Variants in NLE1 observed in about 807,000 individuals in gnomAD.
NLE1 encodes the protein notchless protein homolog 1.
Under a neutral mutation model 62.8 loss-of-function variants are expected in NLE1, and 37 were observed. The ratio of observed to expected loss-of-function variants is 0.59; its 90% CI spans 0.45 to 0.78. The LOEUF (loss-of-function observed/expected upper bound fraction) is 0.78. NLE1 is among the 30% of genes least tolerant of loss of function. NLE1 has a pLI of 0.00. For missense variants in NLE1, 555 were observed against 637.9 expected, an observed-to-expected ratio of 0.87 and a Z score of 1.40; for synonymous variants, 243 against 253.0, an observed-to-expected ratio of 0.96 and a Z score of 0.37.
chr17:35,136,378 T>C lies in NLE1; in HGVS notation c.948A>G (p.Gln316=), dbSNP rs754825891. ...FEPAEASVNP[Q]DLQGSLQELK... The stretch of plus-strand genomic sequence containing the variant: ...ATCACTCACAGGATCCTTGGAGGTC[T>C]TGGGGATTAACTGAGGCCTCAGCAG... The change falls in exon 8 of 13, where the codon CAA becomes CAG. Residue 316 remains glutamine, a synonymous_variant. Coordinates refer to ENST00000442241, the MANE Select transcript of NLE1 (RefSeq NM_018096.5). 6.2e-7 allele frequency: 1 copy of C among 1,613,626 alleles called. No homozygotes were observed. Among genetic ancestry groups the C allele is most frequent in the Admixed American group, 1.7e-5 (1 of 60,008 alleles).
Position 35,129,912 on chromosome 17 carries a change from T to C in NLE1, c.*2525A>G, listed in dbSNP as rs1320877843. 2 of 1,390,392 alleles carry C rather than the reference T, an allele frequency of 1.4e-6. No individual in the cohort carries two copies. The highest frequency in any genetic ancestry group is 9.3e-7 in the Non-Finnish European group (1 of 1,072,678). 86.1% of individuals were successfully genotyped at this position (1,390,392 alleles called of 1,614,324 possible). On this transcript the variant is annotated 3_prime_UTR_variant, in exon 13 of 13. Coordinates refer to ENST00000442241, the MANE Select transcript of NLE1 (RefSeq NM_018096.5). ...CTATAATGTTCCCCTTCCAAAGCCA[T>C]TGGTTTTTAGACTCTGCAATTCAGT...
At chr17:35,134,818 G>A (rs1567744475) in intron 10 of NLE1, 8 of 350,534 alleles carry the variant, frequency 2.3e-5, no homozygotes, top group South Asian at 8.6e-5. Flanking sequence ...TTGGGAGGCC[G>A]AGGCAGTTGG....
chr17:35,137,712 C>A, intron 5 of NLE1, 72 bp from the exon 6 acceptor site: 1 of 1,262,428 alleles, frequency 7.9e-7, no homozygotes, highest in East Asian at 2.3e-5. Context: ...CTGCCTACCA[C>A]TTCCCACCCA....
At position 35,133,462 on chromosome 17, in the gene NLE1, C is replaced by A. The variant is rs1567743960; in HGVS notation, c.1251G>T (p.Val417=). 6.2e-7 allele frequency: 1 copy of A among 1,613,778 alleles called. No individual in the cohort carries two copies. ...LASLRGHVAA[V]YQIAWSADSR... ...TGTCAGCTGACCACGCAATCTGGTACACGGCAGCCACGTGGCCGCGTAGGG... is the reference window on the plus strand; with the variant it reads ...TGTCAGCTGACCACGCAATCTGGTAAACGGCAGCCACGTGGCCGCGTAGGG... Residue 417 remains valine, a synonymous_variant, in exon 11 of 13, where the codon GTG becomes GTT. Transcript: ENST00000442241.
chr17:35,134,480 A>G (rs2091896961), intron 10 of NLE1, among the ~76,000 whole-genome samples: 1 of 151,954 alleles, frequency 6.6e-6, no homozygotes, highest in Non-Finnish European at 1.5e-5. Flanking sequence ...ACTCACTGCA[A>G]CCTTTGCCTC....
In NLE1 at chr17:35,129,340, G is replaced by C; in HGVS notation, c.*3097C>G. On this transcript the variant is annotated 3_prime_UTR_variant, in exon 13 of 13. Coordinates refer to ENST00000442241, the MANE Select transcript of NLE1 (RefSeq NM_018096.5). ...CAGGAGCAGGGGATGGGCATGGGACGTCCTGACCCCAGTTGGGAGGGTGAA... is the reference window on the plus strand; with the variant it reads ...CAGGAGCAGGGGATGGGCATGGGACCTCCTGACCCCAGTTGGGAGGGTGAA... 3 of 1,546,066 alleles carry C rather than the reference G, an allele frequency of 1.9e-6. No homozygotes were observed. Among genetic ancestry groups the C allele is most frequent in the Non-Finnish European group, 1.8e-6 (2 of 1,138,598 alleles).
intron 7 of NLE1, 91 bp from the exon 8 acceptor site, chr17:35,136,588 C>G: frequency 6.9e-7 from 1 of 1,451,664 alleles, no homozygotes; most frequent in Non-Finnish European, 9.4e-7. Context: ...GACTAATAAT[C>G]ATCATCACTC....
In NLE1 at chr17:35,129,641, T is replaced by G; in HGVS notation, c.*2796A>C. On this transcript the variant is annotated 3_prime_UTR_variant, in exon 13 of 13. Transcript: ENST00000442241. ...AGCCAACACAGCTGGGGTGGGGAAG[T>G]GGTGCAAGCCCTACAAAGTGAGCCC... The G allele has an allele frequency of 6.2e-7, 1 of 1,613,762 alleles. No homozygotes were observed.
rs781256972 is a variant in NLE1 at position 35,136,230 on chromosome 17, C to T, written c.965-15G>A. Reference sequence around the variant, plus strand: ...CAACTCCTGCACTGTGACCAGGTACCGGAGGGGAGAAAAGGAGATGAGGAA... The same window carrying T: ...CAACTCCTGCACTGTGACCAGGTACTGGAGGGGAGAAAAGGAGATGAGGAA... On this transcript the variant is annotated splice_polypyrimidine_tract_variant and intron_variant, in intron 8 of 12. Coordinates refer to ENST00000442241, the MANE Select transcript of NLE1 (RefSeq NM_018096.5). The T allele has an allele frequency of 1.2e-6, 2 of 1,613,846 alleles. No homozygotes were observed. The highest frequency in any genetic ancestry group is 8.5e-7 in the Non-Finnish European group (1 of 1,179,856).
At chr17:35,139,188 G>A in intron 4 of NLE1, 47 bp downstream of exon 4, 2 of 1,525,198 alleles carry the variant, frequency 1.3e-6, no homozygotes, top group Non-Finnish European at 1.8e-6. Flanking sequence ...GCAAGACCTT[G>A]TCTCAAAAAA....
chr17:35,137,195 TGGAGA>T lies in NLE1; in HGVS notation c.636-7_636-3del, dbSNP rs771008788. 1 of 1,603,234 alleles carries T rather than the reference TGGAGA, an allele frequency of 6.2e-7. No individual in the cohort carries two copies. The highest frequency in any genetic ancestry group is 2.2e-5 in the East Asian group (1 of 44,616). On this transcript the variant is annotated splice_region_variant and splice_polypyrimidine_tract_variant and intron_variant, in intron 6 of 12. Transcript: ENST00000442241. ...GCCACATAGCGGCACTCAGGGTTCC[TGGAGA>T]GAAGGGAGATGTGACCTCATCTGTG...
chr17:35,140,872 A>G lies in NLE1; in HGVS notation c.163-806T>C, dbSNP rs1340696660. Reference sequence around the variant, plus strand: ...CCCAAAGTACTGGGATTACAGGCATAAGCCACTGCACCCGGCCTGAAATTC... The same window carrying G: ...CCCAAAGTACTGGGATTACAGGCATGAGCCACTGCACCCGGCCTGAAATTC... On this transcript the variant is annotated intron_variant, in intron 2 of 12. Transcript: ENST00000442241. Among the ~76,000 whole-genome samples the G allele has an allele frequency of 2.6e-5, 4 of 152,278 alleles. No individual in the cohort carries two copies. In the South Asian group the frequency reaches 6.2e-4, roughly 24 times the overall value.
rs201460671 is a variant in NLE1, at chr17:35,137,620, G to C, written c.558C>G (p.Ser186Arg). 2.5e-5 allele frequency: 40 copies of C among 1,610,422 alleles called. No homozygotes were observed. The East Asian group carries it at 6.9e-4, about 28-fold the overall frequency. The change falls in exon 6 of 13, where the codon AGC becomes AGG. Residue 186 changes from serine to arginine, a missense_variant. Physicochemically the swap from Ser to Arg is moderately radical, Grantham distance 110. Coordinates refer to ENST00000442241, the MANE Select transcript of NLE1 (RefSeq NM_018096.5). ...GGGTCCTGCCCACCTGCTTCCCTGT[G>C]CTTGGGTCCCAGAGGAGAATCTGAA... ...KNGQILLWDP[S>R]TGKQVGRTLA...
At position 35,130,407 on chromosome 17, in the gene NLE1, G is replaced by A. The variant is rs1567742251; in HGVS notation, c.*2030C>T. 1.2e-6 allele frequency: 2 copies of A among 1,614,058 alleles called. No homozygotes were observed. Among genetic ancestry groups the A allele is most frequent in the East Asian group, 2.2e-5 (1 of 44,882 alleles). On this transcript the variant is annotated 3_prime_UTR_variant, in exon 13 of 13. Transcript: ENST00000442241. ...GGCCGGAGGAGATGCGGAGGCTGGA[G>A]GATCTGGAATACCTATTTCCCTGTT...
rs1434759191 is a variant in NLE1, at chr17:35,131,865, T to C, written c.*572A>G. 6.6e-6 allele frequency: 1 copy of C among 152,254 alleles called. No individual in the cohort carries two copies. The highest frequency in any genetic ancestry group is 1.5e-5 in the Non-Finnish European group (1 of 68,072). The allele number at this position is 152,254 out of a possible 1,614,324, so 9.4% of individuals were successfully genotyped here. ...CGGTGCCTACTGCAGTGGACAACAA[T>C]ACAGCCCTAGATTCTCCTTGGCCAC... On this transcript the variant is annotated 3_prime_UTR_variant, in exon 13 of 13. Transcript: ENST00000442241.
chr17:35,140,094 C>T (rs564796012), intron 2 of NLE1, 28 bp from the exon 3 acceptor site: 11 of 1,606,462 alleles, frequency 6.8e-6, no homozygotes, highest in Admixed American at 6.7e-5. Context: ...AGGACAAACC[C>T]GCAACAATGG....
rs753443866 is a variant in NLE1 at position 35,142,255 on chromosome 17, C to T, written c.18+3G>A. ...CCCCCCGCCCCCATCCACGCACACC[C>T]ACCGGCACTGCTGCCGCCATCCTGC... On this transcript the variant is annotated splice_donor_region_variant and intron_variant, in intron 1 of 12. Transcript: ENST00000442241. 5 of 1,548,300 alleles carry T rather than the reference C, an allele frequency of 3.2e-6. No individual in the cohort carries two copies. The Admixed American group carries it at 5.8e-5, about 18-fold the overall frequency.
At position 35,130,599 on chromosome 17, in the gene NLE1, G is replaced by T. The variant is rs928276944; in HGVS notation, c.*1838C>A. 5 of 717,256 alleles carry T rather than the reference G, an allele frequency of 7.0e-6. No individual in the cohort carries two copies. The highest frequency in any genetic ancestry group is 1.1e-5 in the Non-Finnish European group (5 of 448,022). 44.4% of individuals were successfully genotyped at this position (717,256 alleles called of 1,614,324 possible). A position where few individuals can be genotyped will look rare whatever the true frequency, so the allele number is the denominator to read the frequency against. On this transcript the variant is annotated 3_prime_UTR_variant, in exon 13 of 13. Transcript: ENST00000442241. The stretch of plus-strand genomic sequence containing the variant: ...GGGCTGGGGCCAAGGCTACATAGGG[G>T]CCCCATTCACCTGGAGGCATCTCAG...
chr17:35,134,999 C>A (rs1033236087), intron 10 of NLE1: 3 of 578,374 alleles, frequency 5.2e-6, no homozygotes, highest in Non-Finnish European at 9.8e-6. Flanking sequence ...TTGTAATGAG[C>A]CAAGATCGTG....
Sources: gnomAD v4.1 joint callset for allele counts (sites outside exome capture counted in the v4.1 genomes callset) on GRCh38, gnomAD v4.1.1 for gene constraint, MANE v1.5 for transcripts, NCBI Gene and HGNC (gene_info 2026-07-23, HGNC 2026-07-21) for gene names.